MUC4: variants seen among roughly 807,000 people sequenced by gnomAD.
MUC4 encodes mucin-4.
A neutral mutation model predicts 257.9 loss-of-function variants in MUC4; 202 were observed. The observed-to-expected ratio is 0.78, with a 90% CI of 0.70 to 0.88. The LOEUF (loss-of-function observed/expected upper bound fraction) is 0.88, where lower values mean the gene tolerates loss of function less well. MUC4 is among the 40% of genes least tolerant of loss of function. MUC4 has a pLI of 0.00. For missense variants in MUC4, 5,976 were observed against 6,513.7 expected, an observed-to-expected ratio of 0.92 and a Z score of 2.84; for synonymous variants, 2,351 against 2,757.1, an observed-to-expected ratio of 0.85 and a Z score of 4.62.
rs531530612 is a variant in MUC4, at chr3:195,757,412, C to A, written c.14987-84G>T. 14 of 1,270,724 alleles carry A rather than the reference C, an allele frequency of 1.1e-5. No individual in the cohort carries two copies. Among genetic ancestry groups the A allele is most frequent in the Non-Finnish European group, 1.5e-5 (14 of 917,572 alleles). The allele number at this position is 1,270,724 out of a possible 1,614,324, so 78.7% of individuals were successfully genotyped here. A position where few individuals can be genotyped will look rare whatever the true frequency, so the allele number is the denominator to read the frequency against. The stretch of plus-strand genomic sequence containing the variant: ...ATTGCTGATACGGGGCTTCCCCCAC[C>A]CCTCTCAGGCCACCCTCCCCCTCCC... On this transcript the variant is annotated intron_variant, in intron 17 of 24. Transcript: ENST00000463781. The surrounding 1 kb of genome is among the most constrained non-coding windows in gnomAD (Gnocchi z 4.8).
chr3:195,753,498 AGAG>A lies in MUC4; in HGVS notation c.15329-271_15329-269del. 5.9e-6 allele frequency: 3 copies of A among 511,352 alleles called. 1 individual carries two copies. In the South Asian group the frequency reaches 8.1e-5, roughly 14 times the overall value. 31.7% of individuals were successfully genotyped at this position (511,352 alleles called of 1,614,324 possible). On this transcript the variant is annotated intron_variant, in intron 19 of 24. Coordinates refer to ENST00000463781, the MANE Select transcript of MUC4 (RefSeq NM_018406.7). Reference sequence around the variant, plus strand: ...TTCAGAAAGGACCCCGAAGGCTGGCAGAGGAGGGGCCCCCAGCTGGCTTTCCTC... The same window carrying A: ...TTCAGAAAGGACCCCGAAGGCTGGCAGAGGGGCCCCCAGCTGGCTTTCCTC...
rs145639187 is a variant in MUC4, at chr3:195,788,680, G to C, written c.2900C>G (p.Thr967Ser). ...LSPSGSGKTF[T>S]TALISNATPL... Reference sequence around the variant, plus strand: ...GGTGGCGTTGCTGATGAGGGCCGTGGTGAAGGTTTTACCAGACCCTGAAGG... The same window carrying C: ...GGTGGCGTTGCTGATGAGGGCCGTGCTGAAGGTTTTACCAGACCCTGAAGG... Residue 967 changes from threonine (T) to serine (S), a missense_variant, in exon 2 of 25, where the codon ACC becomes AGC. This residue lies in a region of MUC4 where 1,583 missense variants were observed against 1,257.4 expected (regional missense o/e 1.26). Transcript: ENST00000463781. 1,111 of 1,613,226 alleles carry C rather than the reference G, an allele frequency of 6.9e-4. 14 individuals carry two copies. The African/African-American group carries it at 0.012, about 18-fold the overall frequency.
At chr3:195,811,393 C>T (rs1465747807) in intron 1 of MUC4, among the ~76,000 whole-genome samples, 1 of 151,944 alleles carries the variant, frequency 6.6e-6, no homozygotes, top group East Asian at 1.9e-4. Context: ...AGGCTGGTCT[C>T]GAACTCCTGA....
At chr3:195,768,886 T>C in intron 7 of MUC4, 136 bp downstream of exon 7, 1 of 1,178,258 alleles carries the variant, frequency 8.5e-7, no homozygotes, top group Non-Finnish European at 1.2e-6. Flanking sequence ...CAGCGGGAGC[T>C]GGAGTCAGCG....
At chr3:195,794,394 GA>G (rs962387537) in intron 1 of MUC4, among the ~76,000 whole-genome samples, 1 of 148,108 alleles carries the variant, frequency 6.8e-6, no homozygotes, top group African/African-American at 2.6e-5. Context: ...AGAGAGAGAA[GA>G]AAGAGAGAGA....
chr3:195,753,373 C>T (rs549519667), intron 19 of MUC4, 143 bp from the exon 20 acceptor site: 3 of 777,540 alleles, frequency 3.9e-6, no homozygotes, highest in Non-Finnish European at 6.1e-6. Context: ...ATCCTTCCCC[C>T]CTTTTCCAGG....
chr3:195,786,312 A>G lies in MUC4; in HGVS notation c.5268T>C (p.Gly1756=), dbSNP rs1731839155. The change falls in exon 2 of 25, where the codon GGT becomes GGC. Residue 1756 remains glycine, a synonymous_variant. Transcript: ENST00000463781. ...LVTDASSAST[G]QATPLPVTDT... ...CGGTGACAGGAAGAGGGGTGGCCTG[A>G]CCTGTGGATGCTGAGGAAGCGTCAG... The G allele has an allele frequency of 3.3e-6, 5 of 1,520,288 alleles. No homozygotes were observed. Among genetic ancestry groups the G allele is most frequent in the Admixed American group, 2.0e-5 (1 of 49,756 alleles). The allele number at this position is 1,520,288 out of a possible 1,614,324, so 94.2% of individuals were successfully genotyped here. A position where few individuals can be genotyped will look rare whatever the true frequency, so the allele number is the denominator to read the frequency against.
chr3:195,767,580 C>T (rs1721160453), intron 7 of MUC4, among the ~76,000 whole-genome samples: 1 of 123,056 alleles, frequency 8.1e-6, no homozygotes, highest in African/African-American at 3.8e-5. Flanking sequence ...CCATCACCAC[C>T]ACCATCACCA....
In MUC4 at chr3:195,785,713, G is replaced by C. The variant is rs537525175; in HGVS notation, c.5867C>G (p.Thr1956Ser). 3 of 1,396,474 alleles carry C rather than the reference G, an allele frequency of 2.1e-6. No homozygotes were observed. Among genetic ancestry groups the C allele is most frequent in the Admixed American group, 4.5e-5 (2 of 44,782 alleles). 86.5% of individuals were successfully genotyped at this position (1,396,474 alleles called of 1,614,324 possible). A position where few individuals can be genotyped will look rare whatever the true frequency, so the allele number is the denominator to read the frequency against. The change falls in exon 2 of 25, where the codon ACC becomes AGC. Residue 1956 changes from threonine (T) to serine (S), a missense_variant. Physicochemically the swap from Thr to Ser is moderately conservative, Grantham distance 58. This residue lies in a region of MUC4 where 87 missense variants were observed against 104.6 expected (regional missense o/e 0.83). Coordinates refer to ENST00000463781, the MANE Select transcript of MUC4 (RefSeq NM_018406.7). The part of the protein sequence containing the change: ...SSGHTTPLPV[T>S]DASSVPTGHA... ...ACCTGTGGGTACTGAGGAAGCGTCGGTGACAGGAAGAGGGGTGGTGTGACC... is the reference window on the plus strand; with the variant it reads ...ACCTGTGGGTACTGAGGAAGCGTCGCTGACAGGAAGAGGGGTGGTGTGACC...
intron 19 of MUC4, 118 bp downstream of exon 19, chr3:195,754,095 T>C: frequency 7.4e-7 from 1 of 1,346,988 alleles, no homozygotes; most frequent in Middle Eastern, 1.9e-4. Context: ...CTGCCTAGAT[T>C]GAGCATTCTA....
chr3:195,804,266 C>T (rs543953758), intron 1 of MUC4, among the ~76,000 whole-genome samples: 18 of 152,328 alleles, frequency 1.2e-4, no homozygotes, highest in African/African-American at 2.6e-4. Flanking sequence ...AGGTGGGAGA[C>T]GGCCCACAGC....
Position 195,781,169 on chromosome 3 carries a change from T to A in MUC4, c.10411A>T (p.Thr3471Ser), listed in dbSNP as rs1291932680. The A allele has an allele frequency of 6.7e-7, 1 of 1,488,698 alleles. No individual in the cohort carries two copies. Among genetic ancestry groups the A allele is most frequent in the Admixed American group, 2.1e-5 (1 of 47,520 alleles). 92.2% of individuals were successfully genotyped at this position (1,488,698 alleles called of 1,614,324 possible). The change falls in exon 2 of 25, where the codon ACC becomes TCC. Residue 3471 changes from threonine to serine, a missense_variant. Thr to Ser is a moderately conservative substitution (Grantham distance 58, BLOSUM62 1). Coordinates refer to ENST00000463781, the MANE Select transcript of MUC4 (RefSeq NM_018406.7). Reference protein sequence around the residue: ...DTSSASTGDTTPLPVTSPSSA... With the variant: ...DTSSASTGDTSPLPVTSPSSA... Reference sequence around the variant, plus strand: ...GAAGGGCTGGTGACAGGAAGAGGGGTGGTGTCACCTGTGGATGCTGAGGAA... The same window carrying A: ...GAAGGGCTGGTGACAGGAAGAGGGGAGGTGTCACCTGTGGATGCTGAGGAA...
intron 7 of MUC4, among the ~76,000 whole-genome samples, chr3:195,767,635 ACCACCATCG>A (rs1560262842): frequency 5.8e-5 from 7 of 121,446 alleles, no homozygotes; most frequent in Admixed American, 2.3e-4. Context: ...CACCATCACC[ACCACCATCG>A]CCACCACCAC....
chr3:195,749,344 G>A (rs427958), intron 23 of MUC4, among the ~76,000 whole-genome samples: 1 of 138,362 alleles, frequency 7.2e-6, no homozygotes, highest in Non-Finnish European at 1.5e-5. Context: ...AAAGGTTCCT[G>A]TGGAAAAAGG....
rs1329373876 is a variant in MUC4 at position 195,783,087 on chromosome 3, G to A, written c.8493C>T (p.Thr2831=). 6 of 745,002 alleles carry A rather than the reference G, an allele frequency of 8.1e-6. No homozygotes were observed. The highest frequency in any genetic ancestry group is 5.9e-5 in the East Asian group (1 of 17,066). The allele number at this position is 745,002 out of a possible 1,614,324, so 46.1% of individuals were successfully genotyped here. A position where few individuals can be genotyped will look rare whatever the true frequency, so the allele number is the denominator to read the frequency against. ...DASSVFTGHA[T]SLPVTIPSSA... is the part of the protein sequence containing the mutation. ...AGGAAGGGATGGTGACAGGAAGAGA[G>A]GTGGCATGACCTGTGAACACTGAGG... is the stretch of plus-strand genomic sequence containing the variant. The change falls in exon 2 of 25, where the codon ACC becomes ACT. Residue 2831 remains threonine (T), a synonymous_variant. Transcript: ENST00000463781.
intron 6 of MUC4, 172 bp from the exon 7 acceptor site, chr3:195,769,324 G>T: frequency 2.1e-6 from 2 of 951,826 alleles, no homozygotes; most frequent in Non-Finnish European, 1.5e-6. Flanking sequence ...GGTCAGTGAG[G>T]GCAGCTTTCA....
rs1202079034 is a variant in MUC4 at position 195,790,057 on chromosome 3, G to A, written c.1523C>T (p.Thr508Ile). 6 of 1,613,928 alleles carry A rather than the reference G, an allele frequency of 3.7e-6. No homozygotes were observed. In the African/African-American group the frequency reaches 6.7e-5, roughly 18 times the overall value. ...TTWSQTELPS[T>I]STGAATRLVT... ...AAGCCTAGTGGCAGCACCTGTTGAT[G>A]TTGAGGGCAGTTCTGTTTGTGACCA... Residue 508 changes from threonine (T) to isoleucine (I), a missense_variant, in exon 2 of 25, where the codon ACA (threonine) becomes ATA (isoleucine). Coordinates refer to ENST00000463781, the MANE Select transcript of MUC4 (RefSeq NM_018406.7).
chr3:195,766,050 T>C (rs1284561056), intron 8 of MUC4, among the ~76,000 whole-genome samples: 1 of 152,120 alleles, frequency 6.6e-6, no homozygotes, highest in African/African-American at 2.4e-5. Context: ...AACCTCCACC[T>C]CCCAGGTTCA....
intron 2 of MUC4, 98 bp downstream of exon 2, chr3:195,778,692 A>G (rs1578184363): frequency 2.2e-6 from 3 of 1,386,086 alleles, no homozygotes; most frequent in East Asian, 2.5e-5. Context: ...CGGCCCCACC[A>G]GGTAATGCGA....
Sources: allele counts gnomAD v4.1 joint callset (sites outside exome capture counted in the v4.1 genomes callset), GRCh38; gene constraint gnomAD v4.1.1; regional missense constraint gnomAD v4.1.1; non-coding constraint Gnocchi (gnomAD v3.1); transcripts MANE v1.5; gene names NCBI Gene and HGNC (gene_info 2026-07-23, HGNC 2026-07-21).